The following NTM variants were observed in gnomAD, a reference collection of about 807,000 sequenced individuals.
NTM encodes IgLON family member 2.
In NTM, 13 loss-of-function variants were observed where a neutral mutation model predicts 42.1. The observed-to-expected ratio is 0.31, with a 90% confidence interval of 0.20 to 0.49. The LOEUF is 0.49. Ranked by LOEUF, NTM falls within the 20% of genes least tolerant of loss-of-function variation. The pLI is 0.99. For synonymous variants in NTM, 187 were observed against 179.2 expected (o/e 1.04, Z -0.35); for missense variants, 373 against 452.8 (o/e 0.82, Z 1.60).
chr11:131,799,327 G>A (rs2091906131), intron 1 of NTM, among the ~76,000 whole-genome samples: 4 of 152,194 alleles, frequency 2.6e-5, no homozygotes. Context: ...ATTCTTGGAT[G>A]TCTAGCTCCT....
intron 2 of NTM, among the ~76,000 whole-genome samples, chr11:131,950,338 G>T (rs557825256): frequency 5.5e-4 from 84 of 152,298 alleles, no homozygotes; most frequent in South Asian, 1.5e-3. Context: ...TCCCTTGCCT[G>T]GTTTTCTGGG....
At chr11:131,900,350 G>A (rs2052965114) in intron 1 of NTM, among the ~76,000 whole-genome samples, 1 of 152,216 alleles carries the variant, frequency 6.6e-6, no homozygotes, top group Admixed American at 6.5e-5. Context: ...ACGTCCTGAG[G>A]GCTCAGAAAC....
At chr11:132,027,383 A>AT (rs773168117) in intron 2 of NTM, among the ~76,000 whole-genome samples, 3 of 152,182 alleles carry the variant, frequency 2.0e-5, no homozygotes, top group Non-Finnish European at 2.9e-5. Flanking sequence ...TATCATTTTC[A>AT]TTTTCTCTGA....
At chr11:132,157,940 G>T (rs1566327185) in intron 3 of NTM, among the ~76,000 whole-genome samples, 2 of 152,288 alleles carry the variant, frequency 1.3e-5, no homozygotes, top group East Asian at 1.9e-4. Context: ...GGTTTATCCA[G>T]TCCTGCCTCT....
In NTM at chr11:131,598,797, CTTTT is replaced by C. The variant is rs762538651; in HGVS notation, c.82+227911_82+227914del. On this transcript the variant is annotated intron_variant, in intron 1 of 8. Transcript: ENST00000683400. ...TTCTTTCTTTCTTCTTTCTTTCTTT[CTTTT>C]TCTTTCTTTCTTCTTTCTTTCTTTC... Among the ~76,000 whole-genome samples the C allele has an allele frequency of 2.2e-4, 16 of 71,896 alleles. 5 individuals are homozygous for C. Among genetic ancestry groups the C allele is most frequent in the Non-Finnish European group, 4.1e-4 (13 of 32,034 alleles). 47.2% of individuals were successfully genotyped at this position (71,896 alleles called of 152,430 possible).
chr11:131,923,692 G>T (rs1043467069), intron 2 of NTM, among the ~76,000 whole-genome samples: 2 of 152,210 alleles, frequency 1.3e-5, no homozygotes, highest in Non-Finnish European at 2.9e-5. Context: ...GGAAGGGAAG[G>T]AAGTGAAGTG....
At chr11:132,239,235 T>C (rs1592443420) in intron 4 of NTM, among the ~76,000 whole-genome samples, 1 of 152,236 alleles carries the variant, frequency 6.6e-6, no homozygotes, top group Non-Finnish European at 1.5e-5. Context: ...AACTTCGGAC[T>C]CTTGGAATCC....
intron 4 of NTM, among the ~76,000 whole-genome samples, chr11:132,256,240 T>C (rs963912297): frequency 1.3e-5 from 2 of 152,188 alleles, no homozygotes; most frequent in African/African-American, 4.8e-5. Context: ...CCCAGTGTGG[T>C]CCTCCCACGT....
At chr11:131,643,683 A>C (rs949418291) in intron 1 of NTM, among the ~76,000 whole-genome samples, 2 of 152,222 alleles carry the variant, frequency 1.3e-5, no homozygotes, top group Non-Finnish European at 2.9e-5. Flanking sequence ...TGTTTAAAAA[A>C]TACGCATTGA....
chr11:131,430,334 T>A (rs1948552483), intron 1 of NTM, among the ~76,000 whole-genome samples: 1 of 151,848 alleles, frequency 6.6e-6, no homozygotes. Context: ...GGGATGGGGG[T>A]GGAGCTAGGT....
intron 2 of NTM, among the ~76,000 whole-genome samples, chr11:132,127,388 G>A (rs562387418): frequency 7.9e-5 from 12 of 152,204 alleles, no homozygotes; most frequent in Non-Finnish European, 1.6e-4. Context: ...TGCGGTGAGC[G>A]CATAGAGAGG....
chr11:132,295,157 C>T (rs1401005621), intron 4 of NTM, among the ~76,000 whole-genome samples: 1 of 152,048 alleles, frequency 6.6e-6, no homozygotes, highest in Non-Finnish European at 1.5e-5. Context: ...CACACACACA[C>T]AGACACACAC....
chr11:131,946,937 C>G (rs1295370654), intron 2 of NTM, among the ~76,000 whole-genome samples: 2 of 152,150 alleles, frequency 1.3e-5, no homozygotes, highest in Non-Finnish European at 2.9e-5. Context: ...AAAGCAAATT[C>G]TTGGCTACAG....
chr11:131,806,699 C>T (rs955794133), intron 1 of NTM, among the ~76,000 whole-genome samples: 3 of 152,118 alleles, frequency 2.0e-5, no homozygotes, highest in African/African-American at 7.2e-5. Context: ...AGGTCTAATG[C>T]TCTTCACACA....
At chr11:131,734,143 G>T (rs183393098) in intron 1 of NTM, among the ~76,000 whole-genome samples, 1 of 152,246 alleles carries the variant, frequency 6.6e-6, no homozygotes, top group Non-Finnish European at 1.5e-5. Flanking sequence ...GAAGACAGGG[G>T]ACAAGTCTGT....
chr11:131,778,302 A>G (rs2135982102), intron 1 of NTM, among the ~76,000 whole-genome samples: 1 of 152,370 alleles, frequency 6.6e-6, no homozygotes, highest in African/African-American at 2.4e-5. Flanking sequence ...TGATTTGCCA[A>G]AAGATAAGCT....
chr11:131,980,827 G>A (rs1302658240), intron 2 of NTM, among the ~76,000 whole-genome samples: 1 of 152,136 alleles, frequency 6.6e-6, no homozygotes, highest in Admixed American at 6.6e-5. Flanking sequence ...GCAAGTTATG[G>A]GGAGTAATGA....
intron 4 of NTM, among the ~76,000 whole-genome samples, chr11:132,258,421 C>T (rs1330682986): frequency 6.6e-6 from 1 of 151,992 alleles, no homozygotes; most frequent in Non-Finnish European, 1.5e-5. Flanking sequence ...CTCGATGTTG[C>T]CAAATACTTG....
At chr11:132,219,497 CTT>C (rs1331081318) in intron 4 of NTM, among the ~76,000 whole-genome samples, 3 of 151,732 alleles carry the variant, frequency 2.0e-5, no homozygotes, top group Non-Finnish European at 4.4e-5. Flanking sequence ...TTAAGTCTCT[CTT>C]AATTTAATAT....
Sources: allele counts gnomAD v4.1 joint callset (sites outside exome capture counted in the v4.1 genomes callset), GRCh38; gene constraint gnomAD v4.1.1; transcripts MANE v1.5; gene names NCBI Gene and HGNC (gene_info 2026-07-23, HGNC 2026-07-21).